The following PROM1 variants were observed in gnomAD, a reference collection of about 807,000 sequenced individuals.
PROM1 encodes the protein prominin 1.
A neutral mutation model predicts 116.9 loss-of-function variants in PROM1; 105 were observed. The ratio of observed to expected loss-of-function variants is 0.90; its 90% CI spans 0.77 to 1.06. The LOEUF is 1.06. Ranked by LOEUF, PROM1 falls within the 50% of genes least tolerant of loss-of-function variation. PROM1 has a pLI of 0.00. For missense variants in PROM1, 1,122 were observed against 1,045.2 expected (o/e 1.07, Z -1.01); for synonymous variants, 393 against 387.0 (o/e 1.02, Z -0.18).
intron 2 of PROM1, among the ~76,000 whole-genome samples, chr4:16,048,872 G>A (rs1487124724): frequency 6.6e-6 from 1 of 152,174 alleles, no homozygotes; most frequent in Non-Finnish European, 1.5e-5. Flanking sequence ...GTAGCATGTG[G>A]TACAGCCCAG....
chr4:15,974,419 AAGAAATAAAT>A (rs1027223454), intron 26 of PROM1, among the ~76,000 whole-genome samples: 1 of 152,222 alleles, frequency 6.6e-6, no homozygotes. Flanking sequence ...GTGTGTGTTT[AAGAAATAAAT>A]AGAAATAAAA....
intron 17 of PROM1, among the ~76,000 whole-genome samples, chr4:15,991,748 C>T (rs1280516086): frequency 6.6e-6 from 1 of 151,566 alleles, no homozygotes; most frequent in African/African-American, 2.4e-5. Context: ...TCCTGGCAAA[C>T]ATGGTGAAAC....
At chr4:16,015,345 C>CAAAAAAAAAAAA (rs71649934) in intron 10 of PROM1, among the ~76,000 whole-genome samples, 1 of 51,546 alleles carries the variant, frequency 1.9e-5, no homozygotes, top group African/African-American at 8.4e-5. Flanking sequence ...GACTCCATCT[C>CAAAAAAAAAAAA]AAAAAAAAAA....
intron 26 of PROM1, 30 bp from the exon 27 acceptor site, chr4:15,971,112 T>C: frequency 1.3e-6 from 2 of 1,540,168 alleles, no homozygotes; most frequent in East Asian, 2.4e-5. Flanking sequence ...AGAAATATAA[T>C]ACCCCCAACA....
intron 20 of PROM1, among the ~76,000 whole-genome samples, chr4:15,987,260 T>G (rs1028130262): frequency 2.6e-5 from 4 of 152,186 alleles, no homozygotes; most frequent in African/African-American, 9.7e-5. Flanking sequence ...CAGGAGCTGC[T>G]CCTTCAGGCC....
chr4:15,979,168 C>T (rs1717059859), intron 26 of PROM1, among the ~76,000 whole-genome samples: 1 of 152,188 alleles, frequency 6.6e-6, no homozygotes, highest in Non-Finnish European at 1.5e-5. Flanking sequence ...TTTAAGATGA[C>T]ACCAAATTTT....
rs1726176028 is a variant in PROM1 at position 16,008,913 on chromosome 4, A to T, written c.1301+36T>A. The T allele has an allele frequency of 3.3e-6, 5 of 1,517,602 alleles. No homozygotes were observed. The East Asian group carries it at 1.1e-4, about 34-fold the overall frequency. The allele number at this position is 1,517,602 out of a possible 1,614,324, so 94.0% of individuals were successfully genotyped here. On this transcript the variant is annotated intron_variant, in intron 12 of 27. Coordinates refer to ENST00000447510, the MANE Select transcript of PROM1 (RefSeq NM_006017.3). ...TTTTATCTCGTTCTCTACAAAGTTC[A>T]CTCTCGTAGTTCACCAGCTCCAAGG...
In PROM1 at chr4:15,979,386, T is replaced by G. The variant is rs200033458; in HGVS notation, c.2582+9A>C. 96 of 1,613,648 alleles carry G rather than the reference T, an allele frequency of 5.9e-5. No individual in the cohort carries two copies. In the East Asian group the frequency reaches 2.1e-3, roughly 36 times the overall value. On this transcript the variant is annotated intron_variant, in intron 26 of 27. Coordinates refer to ENST00000447510, the MANE Select transcript of PROM1 (RefSeq NM_006017.3). ...TAGGGCGGGCATGCACTTCCAGACT[T>G]TGCTTTACCTTGTCATAACAGGATT...
In PROM1 at chr4:16,025,266, G is replaced by A. The variant is rs369512467; in HGVS notation, c.556C>T (p.Arg186Trp). Reference sequence around the variant, plus strand: ...GCCAGTTTCCGACTCCTTTTGATCCGGGTTCTTACCTGGTGATTTGCCACA... The same window carrying A: ...GCCAGTTTCCGACTCCTTTTGATCCAGGTTCTTACCTGGTGATTTGCCACA... ...GFVANHQVRT[R>W]IKRSRKLADS... Residue 186 changes from arginine (R) to tryptophan (W), a missense_variant, in exon 6 of 28, where the codon CGG (arginine) becomes TGG (tryptophan). Transcript: ENST00000447510. 27 of 1,613,670 alleles carry A rather than the reference G, an allele frequency of 1.7e-5. No individual in the cohort carries two copies. In the Admixed American group the frequency reaches 3.5e-4, roughly 21 times the overall value.
intron 2 of PROM1, among the ~76,000 whole-genome samples, chr4:16,042,169 A>G (rs1351331694): frequency 6.6e-6 from 1 of 152,216 alleles, no homozygotes; most frequent in Non-Finnish European, 1.5e-5. Context: ...AGCCACTGAC[A>G]GGATTTGTTG....
intron 14 of PROM1, among the ~76,000 whole-genome samples, chr4:15,999,307 T>C (rs1723126594): frequency 6.6e-6 from 1 of 151,828 alleles, no homozygotes; most frequent in African/African-American, 2.4e-5. Context: ...CCGTCTCTAC[T>C]AAAAATACAA....
intron 8 of PROM1, among the ~76,000 whole-genome samples, chr4:16,021,070 A>T (rs1430210583): frequency 6.7e-6 from 1 of 148,284 alleles, no homozygotes; most frequent in East Asian, 2.0e-4. Context: ...AACCCACTAA[A>T]CACACAGGGC....
At chr4:16,081,053 A>G (rs1744946132) in intron 1 of PROM1, among the ~76,000 whole-genome samples, 1 of 150,098 alleles carries the variant, frequency 6.7e-6, no homozygotes, top group Non-Finnish European at 1.5e-5. Flanking sequence ...ACATATATAT[A>G]TGTATATGTA....
In PROM1 at chr4:16,061,246, T is replaced by A. The variant is rs566529675; in HGVS notation, c.220+14441A>T. Among the ~76,000 whole-genome samples, 29 of 152,264 alleles carry A rather than the reference T, an allele frequency of 1.9e-4. 1 individual carries two copies. The South Asian group carries it at 6.0e-3, about 32-fold the overall frequency. On this transcript the variant is annotated intron_variant, in intron 2 of 27. Coordinates refer to ENST00000447510, the MANE Select transcript of PROM1 (RefSeq NM_006017.3). ...AGAGATTTAAATGAATCATTAGGAT[T>A]TTAAGAAAGGAGAGATGCATTATCA...
At chr4:16,062,899 T>C (rs1191888342) in intron 2 of PROM1, among the ~76,000 whole-genome samples, 2 of 152,308 alleles carry the variant, frequency 1.3e-5, no homozygotes, top group East Asian at 3.9e-4. Context: ...TTACAAAATA[T>C]GCAAAGTATC....
intron 2 of PROM1, among the ~76,000 whole-genome samples, chr4:16,063,959 G>C (rs944036500): frequency 6.6e-6 from 1 of 152,116 alleles, no homozygotes; most frequent in Non-Finnish European, 1.5e-5. Flanking sequence ...TGGATAAACA[G>C]GGACTCATTA....
In PROM1 at chr4:16,038,969, C is replaced by A. The variant is rs1734559010; in HGVS notation, c.253G>T (p.Glu85Ter). ...ACCTTGTCATAATCAATTTTGGATT[C>A]ATATGCCTTCTGTAAGAATTTTCTC... The part of the protein sequence containing the change: ...TLRKFLQKAY[E>*]SKIDYDKPET... Residue 85 changes from glutamate (E) to a stop codon, truncating the protein, a stop_gained, in exon 3 of 28, where the codon GAA (glutamate) becomes TAA (stop). Coordinates refer to ENST00000447510, the MANE Select transcript of PROM1 (RefSeq NM_006017.3). LOFTEE classifies it high-confidence loss of function. The A allele has an allele frequency of 1.3e-6, 2 of 1,501,286 alleles. No homozygotes were observed. Among genetic ancestry groups the A allele is most frequent in the South Asian group, 1.4e-5 (1 of 71,304 alleles). 93.0% of individuals were successfully genotyped at this position (1,501,286 alleles called of 1,614,324 possible). A position where few individuals can be genotyped will look rare whatever the true frequency, so the allele number is the denominator to read the frequency against.
chr4:15,970,931 T>C, intron 27 of PROM1, 112 bp downstream of exon 27: 1 of 842,520 alleles, frequency 1.2e-6, no homozygotes, highest in East Asian at 2.7e-5. Flanking sequence ...AATATGCTGA[T>C]CTAGATTTCC....
At chr4:16,059,322 C>G (rs759538313) in intron 2 of PROM1, among the ~76,000 whole-genome samples, 11 of 152,246 alleles carry the variant, frequency 7.2e-5, no homozygotes, top group Non-Finnish European at 1.3e-4. Flanking sequence ...AGACAGTAGA[C>G]AAAATTCAGT....
Sources: allele counts gnomAD v4.1 joint callset (sites outside exome capture counted in the v4.1 genomes callset), GRCh38; gene constraint gnomAD v4.1.1; transcripts MANE v1.5; gene names NCBI Gene and HGNC (gene_info 2026-07-23, HGNC 2026-07-21).